CSNK2A1: variants seen among roughly 807,000 people sequenced by gnomAD.
CSNK2A1 encodes the protein casein kinase II subunit alpha.
Under a neutral mutation model 62.9 loss-of-function variants are expected in CSNK2A1, and 10 were observed. The observed-to-expected ratio is 0.16, with a 90% CI of 0.10 to 0.27. The LOEUF (loss-of-function observed/expected upper bound fraction) is 0.27, where lower values mean the gene tolerates loss of function less well. Ranked by LOEUF, CSNK2A1 falls within the 10% of genes least tolerant of loss-of-function variation. The probability of loss-of-function intolerance (pLI) is 1.00; values close to 1 mark genes in which losing one functional copy is unlikely to be tolerated. For synonymous variants in CSNK2A1, 124 were observed against 167.8 expected, an observed-to-expected ratio of 0.74 and a Z score of 2.02; for missense variants, 160 against 492.0, an observed-to-expected ratio of 0.33 and a Z score of 6.38.
intron 1 of CSNK2A1, among the ~76,000 whole-genome samples, chr20:534,188 A>AT (rs779698249): frequency 6.6e-6 from 1 of 152,228 alleles, no homozygotes; most frequent in Non-Finnish European, 1.5e-5. Flanking sequence ...AAACAACAGG[A>AT]TTACTAAGTG....
chr20:497,576 C>A, intron 7 of CSNK2A1, 145 bp downstream of exon 7: 1 of 617,776 alleles, frequency 1.6e-6, no homozygotes, highest in Non-Finnish European at 2.7e-6. Flanking sequence ...AGGTATGATA[C>A]TATTAACTTA....
Position 478,764 on chromosome 20 carries a change from C to CAAAAA in CSNK2A1, c.*5196_*5197insTTTTT. The CAAAAA allele has an allele frequency of 4.9e-6, 1 of 204,656 alleles. No homozygotes were observed. The highest frequency in any genetic ancestry group is 9.4e-6 in the Non-Finnish European group (1 of 106,238). 12.7% of individuals were successfully genotyped at this position (204,656 alleles called of 1,614,324 possible). On this transcript the variant is annotated 3_prime_UTR_variant, in exon 14 of 14. Transcript: ENST00000217244. ...GCAACACGGCAAAACTTCATCTCTACCAAAAAAAAAAAAAAAAAAATTAGC... is the reference window on the plus strand; with the variant it reads ...GCAACACGGCAAAACTTCATCTCTACAAAAACAAAAAAAAAAAAAAAAAAATTAGC...
At chr20:526,968 TGAGAGAGAGAGAGA>T (rs1158363876) in intron 2 of CSNK2A1, 1 of 51,366 alleles carries the variant, frequency 1.9e-5, no homozygotes, top group Non-Finnish European at 4.2e-5. Context: ...AAAGAAAGAA[TGAGAGAGAGAGAGA>T]GAAAGAGAGA....
intron 3 of CSNK2A1, chr20:506,679 C>G (rs1449508394): frequency 6.6e-6 from 1 of 152,136 alleles, no homozygotes; most frequent in Non-Finnish European, 1.5e-5. Flanking sequence ...TCATTTTCCT[C>G]AAGTAGCTAA....
chr20:529,159 G>T (rs765184175), intron 1 of CSNK2A1, among the ~76,000 whole-genome samples: 1 of 151,840 alleles, frequency 6.6e-6, no homozygotes, highest in South Asian at 2.1e-4. Flanking sequence ...CTTGTAGCTG[G>T]GACCACGGGC....
chr20:517,694 C>G (rs1243217985), intron 2 of CSNK2A1, among the ~76,000 whole-genome samples: 2 of 152,086 alleles, frequency 1.3e-5, no homozygotes, highest in Non-Finnish European at 1.5e-5. Flanking sequence ...CACTTTAAAG[C>G]AAGTTAAGAA....
rs775102602 is a variant in CSNK2A1, at chr20:487,454, T to C, written c.946A>G (p.Arg316Gly). The C allele has an allele frequency of 1.2e-6, 2 of 1,614,128 alleles. No individual in the cohort carries two copies. The highest frequency in any genetic ancestry group is 1.7e-6 in the Non-Finnish European group (2 of 1,180,028). Residue 316 changes from arginine to glycine, a missense_variant, in exon 12 of 14, where the codon AGA becomes GGA. Around this residue, in one of 3 missense-constraint regions of CSNK2A1, gnomAD observed 51 missense variants for 108.8 expected, o/e 0.47. Coordinates refer to ENST00000217244, the MANE Select transcript of CSNK2A1 (RefSeq NM_177559.3). ...RYDHQSRLTA[R>G]EAMEHPYFYT... The stretch of plus-strand genomic sequence containing the variant: ...AAATAGGGGTGCTCCATTGCCTCTC[T>C]TGCAGTAAGCCGTGACTGGTGGTCA...
intron 1 of CSNK2A1, 118 bp from the exon 2 acceptor site, chr20:528,167 T>C (rs1235347409): frequency 1.3e-5 from 2 of 152,190 alleles, no homozygotes; most frequent in African/African-American, 2.4e-5. Context: ...ATGTTGGATA[T>C]GTTATTTAAC....
At chr20:532,082 TG>T (rs1000567381) in intron 1 of CSNK2A1, among the ~76,000 whole-genome samples, 12 of 152,234 alleles carry the variant, frequency 7.9e-5, no homozygotes, top group Admixed American at 7.2e-4. Context: ...ATTTTCAGAT[TG>T]TTTACCCCCT....
At position 499,206 on chromosome 20, in the gene CSNK2A1, A is replaced by C; in HGVS notation, c.366+49T>G. Reference sequence around the variant, plus strand: ...TCTAACAGCATCATCCCCAAAGGCTATGTGGTCTAAAAACCCACTAGCCCG... The same window carrying C: ...TCTAACAGCATCATCCCCAAAGGCTCTGTGGTCTAAAAACCCACTAGCCCG... On this transcript the variant is annotated intron_variant, in intron 6 of 13. Coordinates refer to ENST00000217244, the MANE Select transcript of CSNK2A1 (RefSeq NM_177559.3). This position sits in a 1 kb window ranked among gnomAD's most constrained non-coding sequence, Gnocchi z 4.2. 1 of 1,475,940 alleles carries C rather than the reference A, an allele frequency of 6.8e-7. No individual in the cohort carries two copies. The highest frequency in any genetic ancestry group is 9.2e-7 in the Non-Finnish European group (1 of 1,087,136). 91.4% of individuals were successfully genotyped at this position (1,475,940 alleles called of 1,614,324 possible). A position where few individuals can be genotyped will look rare whatever the true frequency, so the allele number is the denominator to read the frequency against.
intron 1 of CSNK2A1, chr20:540,944 T>G (rs1414217233): frequency 6.6e-6 from 1 of 152,192 alleles, no homozygotes; most frequent in Non-Finnish European, 1.5e-5. Flanking sequence ...AACTGGGAAA[T>G]TCACTTCCAA....
intron 9 of CSNK2A1, among the ~76,000 whole-genome samples, chr20:491,799 C>A (rs2018240952): frequency 6.6e-6 from 1 of 152,146 alleles, no homozygotes; most frequent in South Asian, 2.1e-4. Context: ...TGGTGGGTGC[C>A]TGTAGTCCCA....
At chr20:497,103 C>A (rs567607754) in intron 7 of CSNK2A1, among the ~76,000 whole-genome samples, 1 of 152,252 alleles carries the variant, frequency 6.6e-6, no homozygotes, top group South Asian at 2.1e-4. Flanking sequence ...TCCCACTAGA[C>A]CCCATTCCAT....
chr20:539,705 A>ATC (rs1054237694), intron 1 of CSNK2A1: 7 of 152,270 alleles, frequency 4.6e-5, no homozygotes, highest in African/African-American at 1.4e-4. Flanking sequence ...CCAAGGATTC[A>ATC]TCTCTCTCTC....
chr20:487,726 G>T (rs1369216373), intron 11 of CSNK2A1, 151 bp from the exon 12 acceptor site: 6 of 1,000,810 alleles, frequency 6.0e-6, no homozygotes, highest in Non-Finnish European at 7.2e-6. Flanking sequence ...CTCTGCCACT[G>T]AGTGGGACAA....
At chr20:498,028 G>T in intron 6 of CSNK2A1, 1 of 398,220 alleles carries the variant, frequency 2.5e-6, no homozygotes, top group Non-Finnish European at 4.6e-6. Context: ...GAAACATACT[G>T]ATCTAGATAC....
At chr20:530,236 T>A (rs2019185493) in intron 1 of CSNK2A1, among the ~76,000 whole-genome samples, 1 of 152,212 alleles carries the variant, frequency 6.6e-6, no homozygotes, top group Non-Finnish European at 1.5e-5. Context: ...ACATTTCACA[T>A]AAATGGAATC....
intron 2 of CSNK2A1, among the ~76,000 whole-genome samples, chr20:518,754 A>C (rs1600400718): frequency 2.3e-5 from 3 of 131,244 alleles, no homozygotes; most frequent in African/African-American, 5.8e-5. Flanking sequence ...ACGGGGTTTC[A>C]CCGTGTTAGC....
intron 4 of CSNK2A1, 58 bp downstream of exon 4, chr20:505,060 A>T: frequency 4.1e-6 from 6 of 1,458,648 alleles, no homozygotes; most frequent in Non-Finnish European, 4.6e-6. Flanking sequence ...AAAAGTCTTC[A>T]AAACTACTTT....
Sources: gnomAD v4.1 joint callset for allele counts (sites outside exome capture counted in the v4.1 genomes callset) on GRCh38, gnomAD v4.1.1 for gene constraint, gnomAD v4.1.1 regional missense constraint, Gnocchi (gnomAD v3.1) non-coding constraint, MANE v1.5 for transcripts, NCBI Gene and HGNC (gene_info 2026-07-23, HGNC 2026-07-21) for gene names.